The following CFAP97 variants were observed in gnomAD, a reference collection of about 807,000 sequenced individuals.
The protein encoded by CFAP97 is cilia- and flagella-associated protein 97.
Under a neutral mutation model 43.1 loss-of-function variants are expected in CFAP97, and 36 were observed. The observed-to-expected ratio is 0.84, with a 90% CI of 0.64 to 1.10. CFAP97 has a LOEUF of 1.10. CFAP97 is among the 50% of genes least tolerant of loss of function. The pLI, the probability that CFAP97 is intolerant of heterozygous loss-of-function variation, is 0.00. For missense variants in CFAP97, 657 were observed against 620.3 expected (o/e 1.06, Z -0.63); for synonymous variants, 228 against 225.7 (o/e 1.01, Z -0.09).
rs1326525687 is a variant in CFAP97 at position 185,161,062 on chromosome 4, G to A, written c.*1736C>T. ...TTATCTTCTCTCTCTTGAAATATAG[G>A]TTATATAAACAGTAAAAGTACAGTA... On this transcript the variant is annotated 3_prime_UTR_variant, in exon 5 of 5. Coordinates refer to ENST00000458385, the MANE Select transcript of CFAP97 (RefSeq NM_020827.3). 6.6e-6 allele frequency: 1 copy of A among 151,698 alleles called. No individual in the cohort carries two copies. Among genetic ancestry groups the A allele is most frequent in the Non-Finnish European group, 1.5e-5 (1 of 67,912 alleles). 9.4% of individuals were successfully genotyped at this position (151,698 alleles called of 1,614,324 possible).
intron 1 of CFAP97, among the ~76,000 whole-genome samples, chr4:185,195,613 C>A (rs1479854726): frequency 6.6e-6 from 1 of 152,116 alleles, no homozygotes; most frequent in East Asian, 1.9e-4. Flanking sequence ...GAAGGATACA[C>A]ATTAAACATG....
At chr4:185,193,849 C>A (rs1283065481) in intron 1 of CFAP97, among the ~76,000 whole-genome samples, 1 of 151,040 alleles carries the variant, frequency 6.6e-6, no homozygotes, top group Non-Finnish European at 1.5e-5. Flanking sequence ...GATCGCACCA[C>A]TGCACTCCAG....
At chr4:185,209,862 C>T, upstream of CFAP97, 1 of 983,382 alleles carries the variant, frequency 1.0e-6, no homozygotes, top group Non-Finnish European at 1.2e-6. This position sits in a 1 kb window ranked among gnomAD's most constrained non-coding sequence, Gnocchi z 5.2. Flanking sequence ...GCGGCGCCGG[C>T]CCCAGCCCCG....
At chr4:185,194,405 C>T (rs950598310) in intron 1 of CFAP97, among the ~76,000 whole-genome samples, 3 of 152,212 alleles carry the variant, frequency 2.0e-5, no homozygotes, top group African/African-American at 4.8e-5. Flanking sequence ...AGGAGGATCA[C>T]TTGAATGCAG....
chr4:185,179,233 G>A (rs1485315985), intron 2 of CFAP97, among the ~76,000 whole-genome samples: 2 of 152,228 alleles, frequency 1.3e-5, no homozygotes, highest in South Asian at 2.1e-4. Context: ...TGGAAAGAGC[G>A]AATGCATTCT....
chr4:185,192,140 G>A (rs1736289020), intron 1 of CFAP97, among the ~76,000 whole-genome samples: 1 of 152,174 alleles, frequency 6.6e-6, no homozygotes, highest in Admixed American at 6.5e-5. Flanking sequence ...GATGATTCCT[G>A]TTAAGGTTCC....
upstream of CFAP97, among the ~76,000 whole-genome samples, chr4:185,206,640 CAA>C (rs1346576947): frequency 8.8e-5 from 8 of 91,130 alleles, no homozygotes; most frequent in East Asian, 1.4e-3. Context: ...GCCTGGGTAA[CAA>C]GAGCGAAACT....
chr4:185,195,206 G>A (rs1406653477), intron 1 of CFAP97, among the ~76,000 whole-genome samples: 1 of 152,160 alleles, frequency 6.6e-6, no homozygotes. Flanking sequence ...AAAAAGCAAC[G>A]AGGCTGGCAC....
At chr4:185,176,552 C>A (rs1735551346) in intron 2 of CFAP97, among the ~76,000 whole-genome samples, 1 of 152,068 alleles carries the variant, frequency 6.6e-6, no homozygotes, top group African/African-American at 2.4e-5. Context: ...CACCGGGTTC[C>A]TTGGGCATAA....
chr4:185,169,565 T>C lies in CFAP97; in HGVS notation c.1321-5386A>G, dbSNP rs1431114675. The C allele has an allele frequency of 3.1e-6, 3 of 964,154 alleles. No individual in the cohort carries two copies. The East Asian group carries it at 3.4e-4, about 111-fold the overall frequency. The allele number at this position is 964,154 out of a possible 1,614,324, so 59.7% of individuals were successfully genotyped here. ...TTACAGCAGTATGAAAATGGACTAA[T>C]ACACTTGTCCAAACATTTATTTTAT... On this transcript the variant is annotated intron_variant, in intron 3 of 4. Transcript: ENST00000458385.
In CFAP97 at chr4:185,190,633, A is replaced by G. The variant is rs779706332; in HGVS notation, c.564T>C (p.Cys188=). ...GATGGCTATCAGACCCTGCATCTAA[A>G]CAATCTGTACCTGAACCTGAAGATG... ...SSSSSGSGTD[C]LDAGSDSHLS... The change falls in exon 2 of 5, where the codon TGT becomes TGC. Residue 188 remains cysteine, a synonymous_variant. Transcript: ENST00000458385. The G allele has an allele frequency of 1.6e-5, 26 of 1,594,548 alleles. No individual in the cohort carries two copies. The highest frequency in any genetic ancestry group is 2.1e-5 in the Non-Finnish European group (24 of 1,169,744).
intron 2 of CFAP97, among the ~76,000 whole-genome samples, chr4:185,183,602 T>C (rs375206504): frequency 6.6e-6 from 1 of 152,246 alleles, no homozygotes; most frequent in African/African-American, 2.4e-5. Flanking sequence ...ATTTTGGATC[T>C]GAAATGCTTC....
At chr4:185,187,937 G>GC (rs1290662657) in intron 2 of CFAP97, among the ~76,000 whole-genome samples, 4 of 151,610 alleles carry the variant, frequency 2.6e-5, no homozygotes, top group Non-Finnish European at 4.4e-5. Flanking sequence ...TCGCTCTGTC[G>GC]CCAGGCTGGA....
At chr4:185,173,184 A>G (rs1351208267) in intron 3 of CFAP97, among the ~76,000 whole-genome samples, 1 of 152,056 alleles carries the variant, frequency 6.6e-6, no homozygotes, top group Non-Finnish European at 1.5e-5. Context: ...TAACACGGTG[A>G]AACCCCATCT....
chr4:185,202,636 C>G (rs1241270301), intron 1 of CFAP97, among the ~76,000 whole-genome samples: 1 of 152,050 alleles, frequency 6.6e-6, no homozygotes, highest in Non-Finnish European at 1.5e-5. Flanking sequence ...TCCGGAAGCA[C>G]AAACCACAAC....
At position 185,164,192 on chromosome 4, in the gene CFAP97, C is replaced by CT; in HGVS notation, c.1321-14_1321-13insA. 1.2e-6 allele frequency: 2 copies of CT among 1,611,776 alleles called. No homozygotes were observed. The highest frequency in any genetic ancestry group is 1.7e-6 in the Non-Finnish European group (2 of 1,178,786). Reference sequence around the variant, plus strand: ...TTTTCAATAAAGCCTTCAATAAAGACAATTAATTTGAAAGGCAAGGTTAAA... The same window carrying CT: ...TTTTCAATAAAGCCTTCAATAAAGACTAATTAATTTGAAAGGCAAGGTTAAA... On this transcript the variant is annotated splice_polypyrimidine_tract_variant and intron_variant, in intron 3 of 4. Coordinates refer to ENST00000458385, the MANE Select transcript of CFAP97 (RefSeq NM_020827.3).
intron 2 of CFAP97, among the ~76,000 whole-genome samples, chr4:185,180,421 C>T (rs559833759): frequency 1.1e-4 from 17 of 152,154 alleles, no homozygotes; most frequent in Non-Finnish European, 2.2e-4. Flanking sequence ...AACTCTGACT[C>T]CCCATTGCTC....
intron 1 of CFAP97, among the ~76,000 whole-genome samples, chr4:185,200,375 C>G (rs537201704): frequency 6.6e-6 from 1 of 152,326 alleles, no homozygotes; most frequent in Non-Finnish European, 1.5e-5. Context: ...CACGGTGGCT[C>G]ACGCCTATAA....
chr4:185,207,440 A>C (rs550772497), upstream of CFAP97, among the ~76,000 whole-genome samples: 1 of 151,486 alleles, frequency 6.6e-6, no homozygotes, highest in East Asian at 1.9e-4. Flanking sequence ...CTGGTCTCAA[A>C]CTCCTGAGCT....
Sources: gnomAD v4.1 joint callset for allele counts (sites outside exome capture counted in the v4.1 genomes callset) on GRCh38, gnomAD v4.1.1 for gene constraint, Gnocchi (gnomAD v3.1) non-coding constraint, MANE v1.5 for transcripts, NCBI Gene and HGNC (gene_info 2026-07-23, HGNC 2026-07-21) for gene names.